Variants in CCDC57 observed in about 807,000 individuals in gnomAD.
The protein encoded by CCDC57 is coiled-coil domain-containing protein 57.
A neutral mutation model predicts 118.9 loss-of-function variants in CCDC57; 118 were observed. The observed-to-expected ratio is 0.99, with a 90% CI of 0.86 to 1.16. The LOEUF (loss-of-function observed/expected upper bound fraction) is 1.16. Ranked by LOEUF, CCDC57 falls within the 50% of genes most tolerant of loss-of-function variation. The pLI, the probability that CCDC57 is intolerant of heterozygous loss-of-function variation, is 0.00. For synonymous variants in CCDC57, 527 were observed against 532.9 expected (o/e 0.99, Z 0.15); for missense variants, 1,300 against 1,320.7 (o/e 0.98, Z 0.24).
intron 19 of CCDC57, chr17:82,113,553 T>C: frequency 2.8e-6 from 2 of 717,664 alleles, no homozygotes; most frequent in Non-Finnish European, 5.2e-6. Flanking sequence ...ACTGAGGAGC[T>C]GCCTCCATTC....
At chr17:82,154,444 A>T (rs944372638) in intron 15 of CCDC57, 1 of 152,424 alleles carries the variant, frequency 6.6e-6, no homozygotes, top group African/African-American at 2.4e-5. Context: ...GGTAGGCTGG[A>T]GACGCAGTGC....
At chr17:82,198,254 C>T (rs1056769365) in intron 4 of CCDC57, 60 bp downstream of exon 3, 13 of 984,160 alleles carry the variant, frequency 1.3e-5, no homozygotes, top group Admixed American at 1.1e-4. Context: ...TATATGATTT[C>T]AGTTTCACAG....
chr17:82,108,130 G>A (rs1256272273), intron 19 of CCDC57, among the ~76,000 whole-genome samples: 1 of 152,254 alleles, frequency 6.6e-6, no homozygotes, highest in Admixed American at 6.5e-5. Flanking sequence ...AGAGGCCACA[G>A]GCCACTGTCC....
intron 13 of CCDC57, among the ~76,000 whole-genome samples, chr17:82,170,803 C>T (rs1355707126): frequency 2.0e-5 from 3 of 152,090 alleles, no homozygotes; most frequent in African/African-American, 4.8e-5. Flanking sequence ...TTCAATCCCA[C>T]GAATCTCATG....
rs1282410122 is a variant in CCDC57 at position 82,212,785 on chromosome 17, C to T, written c.-211G>A. 4 of 152,186 alleles carry T rather than the reference C, an allele frequency of 2.6e-5. No individual in the cohort carries two copies. Among genetic ancestry groups the T allele is most frequent in the African/African-American group, 9.7e-5 (4 of 41,334 alleles). The allele number at this position is 152,186 out of a possible 1,614,324, so 9.4% of individuals were successfully genotyped here. ...CCCACGCCGCCCGCCCGCACCTCAC[C>T]CTAACGCCCGCCAGCAGCGCTGGCC... On this transcript the variant is annotated splice_region_variant and 5_prime_UTR_variant, in exon 1 of 20. Transcript: ENST00000665763. The surrounding 1 kb of genome is among the most constrained non-coding windows in gnomAD (Gnocchi z 4.1).
At chr17:82,185,612 T>C (rs1373965847) in intron 8 of CCDC57, among the ~76,000 whole-genome samples, 3 of 151,532 alleles carry the variant, frequency 2.0e-5, no homozygotes, top group South Asian at 4.2e-4. Flanking sequence ...GAGTGAGACC[T>C]TGTCACAAAA....
intron 19 of CCDC57, among the ~76,000 whole-genome samples, chr17:82,115,267 GAAGAGGGGGCAAGAGGGGGC>G (rs368657859): frequency 3.4e-4 from 44 of 127,936 alleles, no homozygotes; most frequent in African/African-American, 6.4e-4. Context: ...GGCTGTCCGG[GAAGAGGGGGCAAGAGGGGGC>G]AAGAGGGGGC....
At chr17:82,156,484 C>G (rs9900072) in intron 15 of CCDC57, 71,053 of 151,908 alleles carry the variant, frequency 0.47, 17,425 homozygotes, top group East Asian at 0.88. Context: ...TGTGGGGGTA[C>G]AGACATGCTT....
At chr17:82,197,075 C>T (rs2048398910) in intron 4 of CCDC57, among the ~76,000 whole-genome samples, 1 of 148,642 alleles carries the variant, frequency 6.7e-6, no homozygotes, top group Non-Finnish European at 1.5e-5. Context: ...TGCAGAGACG[C>T]AGCCCCTCGT....
At chr17:82,167,163 C>T (rs917060205) in intron 13 of CCDC57, among the ~76,000 whole-genome samples, 2 of 151,994 alleles carry the variant, frequency 1.3e-5, no homozygotes, top group Non-Finnish European at 2.9e-5. Context: ...AAAGACCAAA[C>T]GTTTGTGTCC....
chr17:82,129,402 C>T (rs997318413), intron 17 of CCDC57, among the ~76,000 whole-genome samples: 1 of 152,222 alleles, frequency 6.6e-6, no homozygotes, highest in Non-Finnish European at 1.5e-5. Context: ...GGGACCTGTA[C>T]AGAGCCATGG....
At chr17:82,157,911 C>T (rs1423673478) in exon 15 of CCDC57, 11 of 1,562,488 alleles carry the variant, frequency 7.0e-6, no homozygotes, top group Admixed American at 1.9e-5. Context: ...GGGAAGCTCA[C>T]GCTGGAGAGC....
At chr17:82,182,385 G>A (rs974307947) in intron 9 of CCDC57, among the ~76,000 whole-genome samples, 1 of 149,044 alleles carries the variant, frequency 6.7e-6, no homozygotes, top group African/African-American at 2.5e-5. Flanking sequence ...ACCCAGTCTC[G>A]CTCTGTTGCC....
intron 16 of CCDC57, among the ~76,000 whole-genome samples, chr17:82,139,452 T>G (rs1355485955): frequency 6.6e-6 from 1 of 152,044 alleles, no homozygotes; most frequent in African/African-American, 2.4e-5. Context: ...GCCTCCTGGG[T>G]TCAAGCAATT....
chr17:82,133,118 C>T (rs1164794033), intron 17 of CCDC57, among the ~76,000 whole-genome samples: 1 of 152,006 alleles, frequency 6.6e-6, no homozygotes, highest in Non-Finnish European at 1.5e-5. Flanking sequence ...TGCCCATAAT[C>T]CCAGTACTTT....
chr17:82,149,258 TG>T (rs111669968), intron 16 of CCDC57, among the ~76,000 whole-genome samples: 36,307 of 89,498 alleles, frequency 0.41, 5,230 homozygotes, highest in Non-Finnish European at 0.45. Context: ...GATGGATGGA[TG>T]GGGGGGGTGG....
chr17:82,141,748 G>A (rs529713860), intron 16 of CCDC57, among the ~76,000 whole-genome samples: 68 of 152,156 alleles, frequency 4.5e-4, no homozygotes, highest in African/African-American at 1.6e-3. Flanking sequence ...TACAACATCC[G>A]ACATCCGCAC....
chr17:82,151,987 C>A, intron 15 of CCDC57: 1 of 562,050 alleles, frequency 1.8e-6, no homozygotes, highest in Admixed American at 3.2e-5. Context: ...TAAAGGCCCA[C>A]AGATCTCCCA....
intron 16 of CCDC57, 94 bp from the exon 16 acceptor site, chr17:82,134,288 C>A: frequency 8.2e-7 from 1 of 1,217,070 alleles, no homozygotes; most frequent in South Asian, 4.0e-5. Flanking sequence ...ACAGCATGTT[C>A]CTTTTCAAAA....
Sources: gnomAD v4.1 joint callset for allele counts (sites outside exome capture counted in the v4.1 genomes callset) on GRCh38, gnomAD v4.1.1 for gene constraint, Gnocchi (gnomAD v3.1) non-coding constraint, MANE v1.5 for transcripts, NCBI Gene and HGNC (gene_info 2026-07-23, HGNC 2026-07-21) for gene names.